The following MTTP variants were observed in gnomAD, a reference collection of about 807,000 sequenced individuals.
MTTP encodes microsomal triglyceride transfer protein large subunit.
In MTTP, 49 loss-of-function variants were observed where a neutral mutation model predicts 90.6. The ratio of observed to expected loss-of-function variants is 0.54; its 90% CI spans 0.43 to 0.69. The LOEUF (loss-of-function observed/expected upper bound fraction) is 0.69, where lower values mean the gene tolerates loss of function less well. Ranked by LOEUF, MTTP falls within the 30% of genes least tolerant of loss-of-function variation. The pLI is 0.00. For synonymous variants in MTTP, 347 were observed against 384.2 expected (o/e 0.90, Z 1.13); for missense variants, 945 against 1,067.5 (o/e 0.89, Z 1.60).
intron 1 of MTTP, 87 bp from the exon 2 acceptor site, chr4:99,581,818 C>A: frequency 7.5e-7 from 1 of 1,336,644 alleles, no homozygotes; most frequent in Non-Finnish European, 1.1e-6. Context: ...GCTTCCTGAG[C>A]CCCACTGTGG....
At chr4:99,579,401 C>T (rs1725043295) in intron 1 of MTTP, among the ~76,000 whole-genome samples, 1 of 152,228 alleles carries the variant, frequency 6.6e-6, no homozygotes, top group East Asian at 1.9e-4. Context: ...ATTACACCTG[C>T]AGGAGCCCTC....
At chr4:99,570,279 T>C (rs1724812394), upstream of MTTP, among the ~76,000 whole-genome samples, 1 of 152,022 alleles carries the variant, frequency 6.6e-6, no homozygotes, top group African/African-American at 2.4e-5. Context: ...ACAGAATATA[T>C]ATAGAATACT....
At chr4:99,581,098 GA>G (rs1560613721) in intron 1 of MTTP, among the ~76,000 whole-genome samples, 1 of 152,054 alleles carries the variant, frequency 6.6e-6, no homozygotes, top group East Asian at 1.9e-4. Context: ...ATATACAAAA[GA>G]AAAAAGATTT....
At chr4:99,576,764 C>A (rs1459393987) in intron 1 of MTTP, among the ~76,000 whole-genome samples, 2 of 149,460 alleles carry the variant, frequency 1.3e-5, no homozygotes, top group East Asian at 3.9e-4. Flanking sequence ...TGGGAAATGG[C>A]ATAAATGAGA....
At position 99,582,194 on chromosome 4, in the gene MTTP, A is replaced by G. The variant is rs1290334106; in HGVS notation, c.249+102A>G. The G allele has an allele frequency of 1.4e-5, 17 of 1,232,840 alleles. No individual in the cohort carries two copies. In the East Asian group the frequency reaches 2.8e-4, roughly 20 times the overall value. 76.4% of individuals were successfully genotyped at this position (1,232,840 alleles called of 1,614,324 possible). A position where few individuals can be genotyped will look rare whatever the true frequency, so the allele number is the denominator to read the frequency against. On this transcript the variant is annotated intron_variant, in intron 2 of 17. Coordinates refer to ENST00000265517, the MANE Select transcript of MTTP (RefSeq NM_001386140.1). ...GTATTGGGTTCCCGTTTATAAATCC[A>G]TTTAGTTTCTTATCTATCACTAAAA...
rs1726287671 is a variant in MTTP at position 99,623,272 on chromosome 4, T to C, written c.*424T>C. On this transcript the variant is annotated 3_prime_UTR_variant, in exon 18 of 18. Coordinates refer to ENST00000265517, the MANE Select transcript of MTTP (RefSeq NM_001386140.1). ...AGCATGACGGGAAAACCAAACACGTTCCCTAATCAGGAAAAAAAAAAAAAA... is the reference window on the plus strand; with the variant it reads ...AGCATGACGGGAAAACCAAACACGTCCCCTAATCAGGAAAAAAAAAAAAAA... The C allele has an allele frequency of 6.6e-6, 1 of 151,434 alleles. No individual in the cohort carries two copies. Among genetic ancestry groups the C allele is most frequent in the Non-Finnish European group, 1.4e-5 (1 of 69,502 alleles). 9.4% of individuals were successfully genotyped at this position (151,434 alleles called of 1,614,324 possible). A position where few individuals can be genotyped will look rare whatever the true frequency, so the allele number is the denominator to read the frequency against.
chr4:99,579,481 G>A (rs1725045457), intron 1 of MTTP, among the ~76,000 whole-genome samples: 1 of 152,064 alleles, frequency 6.6e-6, no homozygotes, highest in Non-Finnish European at 1.5e-5. Context: ...TTGGGGGAGG[G>A]GGATGCCCTT....
intron 10 of MTTP, among the ~76,000 whole-genome samples, chr4:99,603,567 GAGAAAGAGATAAGAATCC>G (rs1445055731): frequency 6.6e-6 from 1 of 152,118 alleles, no homozygotes; most frequent in African/African-American, 2.4e-5. Context: ...TGTGGAAAAT[GAGAAAGAGATAAGAATCC>G]AGGTGACTCT....
upstream of MTTP, among the ~76,000 whole-genome samples, chr4:99,572,578 T>C (rs1042043156): frequency 2.0e-5 from 3 of 152,074 alleles, no homozygotes; most frequent in Non-Finnish European, 4.4e-5. Context: ...TAAGGATTAT[T>C]ATAAAAACGT....
At chr4:99,622,546 C>T in intron 17 of MTTP, 131 bp from the exon 18 acceptor site, 1 of 932,196 alleles carries the variant, frequency 1.1e-6, no homozygotes, top group South Asian at 1.4e-5. Context: ...ATGGAGTAGC[C>T]TTTGACACTC....
At chr4:99,617,237 A>G (rs1468201203) in intron 15 of MTTP, among the ~76,000 whole-genome samples, 1 of 152,170 alleles carries the variant, frequency 6.6e-6, no homozygotes, top group Non-Finnish European at 1.5e-5. Flanking sequence ...ATTTTGTCCT[A>G]TATCAAATGT....
At chr4:99,570,412 C>T (rs900101513), upstream of MTTP, among the ~76,000 whole-genome samples, 2 of 151,764 alleles carry the variant, frequency 1.3e-5, no homozygotes, top group Non-Finnish European at 2.9e-5. Context: ...ATAATCTGTC[C>T]TCTCTATCTA....
At chr4:99,587,094 A>T (rs1159089893) in intron 3 of MTTP, among the ~76,000 whole-genome samples, 1 of 152,178 alleles carries the variant, frequency 6.6e-6, no homozygotes, top group South Asian at 2.1e-4. Context: ...TGAAATAATA[A>T]ATTTAAGATT....
In MTTP at chr4:99,591,772, A is replaced by C; in HGVS notation, c.740A>C (p.Lys247Thr). The C allele has an allele frequency of 6.2e-7, 1 of 1,612,526 alleles. No individual in the cohort carries two copies. The highest frequency in any genetic ancestry group is 8.5e-7 in the Non-Finnish European group (1 of 1,178,828). ...GGACTGAATTTCCTACAAACCATTA[A>C]GGGGAAAATAGTATCGAAGTAAGAT... ...NFGLNFLQTI[K>T]GKIVSKQKLE... The change falls in exon 6 of 18, where the codon AAG (lysine) becomes ACG (threonine). Residue 247 changes from lysine (K) to threonine (T), a missense_variant. By Grantham distance (78) the Lys-to-Thr change is moderately conservative (BLOSUM62 -1). Coordinates refer to ENST00000265517, the MANE Select transcript of MTTP (RefSeq NM_001386140.1).
chr4:99,575,593 CTATTT>C (rs1477693044), intron 1 of MTTP, among the ~76,000 whole-genome samples: 2 of 151,950 alleles, frequency 1.3e-5, no homozygotes, highest in Admixed American at 6.5e-5. Flanking sequence ...CTTACAGTTT[CTATTT>C]TAAGATGAAA....
chr4:99,615,526 T>C (rs56225403), intron 15 of MTTP, among the ~76,000 whole-genome samples: 6,017 of 152,292 alleles, frequency 0.04, 175 homozygotes, highest in South Asian at 0.08. Context: ...TCTGAGGTTA[T>C]TATACAAATT....
At chr4:99,565,288 CAA>C (rs2110201690) in intron 1 of MTTP, among the ~76,000 whole-genome samples, 1 of 152,094 alleles carries the variant, frequency 6.6e-6, no homozygotes, top group Admixed American at 6.5e-5. Flanking sequence ...ATATTTTAAA[CAA>C]AGTTTTAAAG....
chr4:99,570,909 C>A, upstream of MTTP: 1 of 375,996 alleles, frequency 2.7e-6, no homozygotes, highest in Non-Finnish European at 5.2e-6. Flanking sequence ...AAGGGATACA[C>A]CTGCCAATAC....
chr4:99,603,184 T>C (rs1282147170), intron 10 of MTTP, among the ~76,000 whole-genome samples: 1 of 151,942 alleles, frequency 6.6e-6, no homozygotes, highest in Non-Finnish European at 1.5e-5. Context: ...AGAAATTCTG[T>C]GGGGTTGGAA....
Sources: allele counts gnomAD v4.1 joint callset (sites outside exome capture counted in the v4.1 genomes callset), GRCh38; gene constraint gnomAD v4.1.1; transcripts MANE v1.5; gene names NCBI Gene and HGNC (gene_info 2026-07-23, HGNC 2026-07-21).